Variants in SCUBE1 observed in about 807,000 individuals in gnomAD.
SCUBE1 encodes the protein signal peptide, CUB and EGF-like domain-containing protein 1.
Under a neutral mutation model 124.4 loss-of-function variants are expected in SCUBE1, and 59 were observed. That is an observed-to-expected ratio of 0.47 (90% CI 0.38 to 0.59). The LOEUF (loss-of-function observed/expected upper bound fraction) is 0.59. Among genes scored for constraint, SCUBE1 ranks in the 20% least tolerant of loss-of-function variants. The pLI is 0.00. For synonymous variants in SCUBE1, 545 were observed against 550.9 expected, an observed-to-expected ratio of 0.99 and a Z score of 0.15; for missense variants, 1,150 against 1,371.2, an observed-to-expected ratio of 0.84 and a Z score of 2.55.
At position 43,231,785 on chromosome 22, in the gene SCUBE1, T is replaced by A; in HGVS notation, c.935A>T (p.Tyr312Phe). 1 of 1,608,966 alleles carries A rather than the reference T, an allele frequency of 6.2e-7. No homozygotes were observed. Among genetic ancestry groups the A allele is most frequent in the Non-Finnish European group, 8.5e-7 (1 of 1,178,222 alleles). The change falls in exon 8 of 22, where the codon TAC becomes TTC. Residue 312 changes from tyrosine (Y) to phenylalanine (F), a missense_variant. By Grantham distance (22) the Tyr-to-Phe change is conservative. Around this residue, in one of 3 missense-constraint regions of SCUBE1, gnomAD observed 337 missense variants for 482.1 expected, o/e 0.70. Transcript: ENST00000360835. ...GSFECGCRKG[Y>F]KLLTDERTCQ... ...GGTGCGCTCGTCGGTGAGCAGCTTG[T>A]AGCCCTTCCGGCAGCCGCACTCGAA...
At chr22:43,232,561 C>A (rs34148167) in intron 7 of SCUBE1, 34,912 of 152,324 alleles carry the variant, frequency 0.23, 4,859 homozygotes, top group Middle Eastern at 0.33. Flanking sequence ...GACGCTCCCC[C>A]CTTTCCCAGC....
At chr22:43,223,379 C>G (rs570483168) in intron 10 of SCUBE1, among the ~76,000 whole-genome samples, 163 bp from the exon 11 acceptor site, 2 of 152,244 alleles carry the variant, frequency 1.3e-5, no homozygotes, top group East Asian at 3.9e-4. Context: ...GTCCCTTGGG[C>G]GTGTGGGGAT....
chr22:43,273,561 C>G (rs866433666), intron 4 of SCUBE1, among the ~76,000 whole-genome samples: 1 of 60,950 alleles, frequency 1.6e-5, no homozygotes, highest in African/African-American at 6.6e-5. Context: ...CTAAAACCCT[C>G]TTTTTTTTTT....
chr22:43,339,666 C>T lies in SCUBE1; in HGVS notation c.89-431G>A, dbSNP rs1477447796. Among the ~76,000 whole-genome samples, 370 of 113,460 alleles carry T rather than the reference C, an allele frequency of 3.3e-3. 23 individuals are homozygous for T. The highest frequency in any genetic ancestry group is 0.012 in the African/African-American group (309 of 25,874). 74.4% of individuals were successfully genotyped at this position (113,460 alleles called of 152,430 possible). On this transcript the variant is annotated intron_variant, in intron 1 of 21. Transcript: ENST00000360835. ...CACAAGCATCACTCCAGCCCTCCCC[C>T]ATTCTCCTCACTCTATCCCCCCACA...
intron 15 of SCUBE1, among the ~76,000 whole-genome samples, chr22:43,217,108 CCCCACCCCCCAT>C (rs1921860509): frequency 9.5e-6 from 1 of 105,526 alleles, no homozygotes; most frequent in African/African-American, 5.7e-5. Flanking sequence ...TTCCCCCAAC[CCCCACCCCCCAT>C]CCGCCAGGTG....
chr22:43,327,341 G>A (rs934902662), intron 2 of SCUBE1, among the ~76,000 whole-genome samples: 11 of 152,150 alleles, frequency 7.2e-5, no homozygotes, highest in Admixed American at 3.9e-4. Context: ...TCACATAGTC[G>A]ATGGTTCTAT....
At chr22:43,314,021 G>C (rs567122821) in intron 3 of SCUBE1, among the ~76,000 whole-genome samples, 1 of 152,280 alleles carries the variant, frequency 6.6e-6, no homozygotes, top group South Asian at 2.1e-4. Context: ...CAGACTTCTT[G>C]AGACAAAACA....
At position 43,222,641 on chromosome 22, in the gene SCUBE1, A is replaced by C; in HGVS notation, c.1429T>G (p.Ser477Ala). ...ATGGACAGGCCGGGGGGGTTACCTG[A>C]GCAGCTGGGCCCGAGGCCAGAGCTG... Reference protein sequence around the residue: ...GTSSGLGPSCSDAPTTPIKQK... With the variant: ...GTSSGLGPSCADAPTTPIKQK... Residue 477 changes from serine (S) to alanine (A), a missense_variant, in exon 12 of 22, where the codon TCA (serine) becomes GCA (alanine). This residue lies in a region of SCUBE1 where 757 missense variants were observed against 840.9 expected (regional missense o/e 0.90). Coordinates refer to ENST00000360835, the MANE Select transcript of SCUBE1 (RefSeq NM_173050.5). 1 of 1,585,658 alleles carries C rather than the reference A, an allele frequency of 6.3e-7. No homozygotes were observed. The highest frequency in any genetic ancestry group is 8.6e-7 in the Non-Finnish European group (1 of 1,167,410).
At chr22:43,214,274 C>A in intron 15 of SCUBE1, 23 bp from the exon 16 acceptor site, 1 of 1,603,586 alleles carries the variant, frequency 6.2e-7, no homozygotes. Flanking sequence ...AGCGGAGAGG[C>A]TGCTGGAGGC....
At chr22:43,323,433 T>C (rs2859442) in intron 2 of SCUBE1, among the ~76,000 whole-genome samples, 40,267 of 152,028 alleles carry the variant, frequency 0.26, 6,913 homozygotes, top group African/African-American at 0.48. Context: ...TCCAGTGTGC[T>C]GACCACCCTT....
At chr22:43,296,315 G>A (rs372795907) in intron 3 of SCUBE1, among the ~76,000 whole-genome samples, 6 of 152,246 alleles carry the variant, frequency 3.9e-5, no homozygotes, top group African/African-American at 1.2e-4. Context: ...CTGAGCCTGC[G>A]TGTAGTGAGG....
At chr22:43,246,226 C>T (rs1356956889) in intron 6 of SCUBE1, among the ~76,000 whole-genome samples, 1 of 152,188 alleles carries the variant, frequency 6.6e-6, no homozygotes, top group African/African-American at 2.4e-5. Context: ...TGCCTCTACC[C>T]TGGCTCCTCA....
chr22:43,226,435 C>T (rs1922308814), intron 10 of SCUBE1, among the ~76,000 whole-genome samples: 1 of 151,988 alleles, frequency 6.6e-6, no homozygotes, highest in African/African-American at 2.4e-5. Flanking sequence ...GTGGGGGGGC[C>T]CTCCAGGCCA....
At chr22:43,265,336 CA>C (rs1377782643) in intron 4 of SCUBE1, among the ~76,000 whole-genome samples, 1 of 152,214 alleles carries the variant, frequency 6.6e-6, no homozygotes, top group African/African-American at 2.4e-5. Flanking sequence ...CTATGGACTG[CA>C]GTAACCCACA....
chr22:43,290,542 C>G (rs1925318581), intron 4 of SCUBE1, among the ~76,000 whole-genome samples: 1 of 152,258 alleles, frequency 6.6e-6, no homozygotes, highest in African/African-American at 2.4e-5. Flanking sequence ...CTGCACCTCC[C>G]CAGGCTGGCC....
At chr22:43,208,749 A>C (rs531421697) in intron 19 of SCUBE1, among the ~76,000 whole-genome samples, 2 of 152,286 alleles carry the variant, frequency 1.3e-5, no homozygotes, top group South Asian at 4.1e-4. Context: ...CCCGAGGAGG[A>C]AATCAGGAGC....
rs1920990893 is a variant in SCUBE1 at position 43,200,890 on chromosome 22, A to T, written c.*3107T>A. ...GTGGTGAGTCCTGGAACATGAGGGGAGGAGAGGCGGGCAGTGGATCTGTGA... is the reference window on the plus strand; with the variant it reads ...GTGGTGAGTCCTGGAACATGAGGGGTGGAGAGGCGGGCAGTGGATCTGTGA... On this transcript the variant is annotated 3_prime_UTR_variant, in exon 22 of 22. Transcript: ENST00000360835. The T allele has an allele frequency of 6.6e-6, 1 of 152,376 alleles. No individual in the cohort carries two copies. The highest frequency in any genetic ancestry group is 2.1e-4 in the South Asian group (1 of 4,832). The allele number at this position is 152,376 out of a possible 1,614,324, so 9.4% of individuals were successfully genotyped here.
rs201262266 is a variant in SCUBE1, at chr22:43,227,377, C to A, written c.1204G>T (p.Val402Leu). ...RRLHWNGKDC[V>L]ETGKCLSRAK... ...GCAGCACAGGGCGGCCACCTACCCA[C>A]GCAATCCTTCCCGTTCCAGTGGAGC... The change falls in exon 10 of 22, where the codon GTG (valine) becomes TTG (leucine). Residue 402 changes from valine to leucine, a missense_variant. By Grantham distance (32) the Val-to-Leu change is conservative. Around this residue, in one of 3 missense-constraint regions of SCUBE1, gnomAD observed 757 missense variants for 840.9 expected, o/e 0.90. Coordinates refer to ENST00000360835, the MANE Select transcript of SCUBE1 (RefSeq NM_173050.5). The A allele has an allele frequency of 1.2e-6, 2 of 1,609,482 alleles. No homozygotes were observed. Among genetic ancestry groups the A allele is most frequent in the Admixed American group, 1.7e-5 (1 of 59,842 alleles).
Position 43,211,038 on chromosome 22 carries a change from C to A in SCUBE1, c.2267G>T (p.Cys756Phe). ...GHHYNTTTHR[C>F]IRCPVGTYQP... Reference sequence around the variant, plus strand: ...GTAGGTGCCGACGGGGCAGCGGATGCAGCGGTGGGTGGTGGTGTTGTAGTG... The same window carrying A: ...GTAGGTGCCGACGGGGCAGCGGATGAAGCGGTGGGTGGTGGTGTTGTAGTG... Residue 756 changes from cysteine (C) to phenylalanine (F), a missense_variant, in exon 18 of 22, where the codon TGC (cysteine) becomes TTC (phenylalanine). Around this residue, in one of 3 missense-constraint regions of SCUBE1, gnomAD observed 757 missense variants for 840.9 expected, o/e 0.90. Coordinates refer to ENST00000360835, the MANE Select transcript of SCUBE1 (RefSeq NM_173050.5). The surrounding 1 kb of genome is among the most constrained non-coding windows in gnomAD (Gnocchi z 4.5). 6.2e-7 allele frequency: 1 copy of A among 1,613,972 alleles called. No homozygotes were observed.
Sources: gnomAD v4.1 joint callset for allele counts (sites outside exome capture counted in the v4.1 genomes callset) on GRCh38, gnomAD v4.1.1 for gene constraint, gnomAD v4.1.1 regional missense constraint, Gnocchi (gnomAD v3.1) non-coding constraint, MANE v1.5 for transcripts, NCBI Gene and HGNC (gene_info 2026-07-23, HGNC 2026-07-21) for gene names.